MX1: variants seen among roughly 807,000 people sequenced by gnomAD.
MX1 encodes MX dynamin like GTPase 1.
Under a neutral mutation model 66.4 loss-of-function variants are expected in MX1, and 66 were observed. The observed-to-expected ratio is 0.99, with a 90% CI of 0.82 to 1.22. The LOEUF is 1.22. Among genes scored for constraint, MX1 ranks in the 50% most tolerant of loss-of-function variants. The pLI, the probability that MX1 is intolerant of heterozygous loss-of-function variation, is 0.00. For missense variants in MX1, 787 were observed against 834.3 expected (o/e 0.94, Z 0.70); for synonymous variants, 311 against 318.1 (o/e 0.98, Z 0.24).
At chr21:41,445,748 G>A (rs2090643329) in intron 12 of MX1, 178 bp downstream of exon 12, 2 of 903,408 alleles carry the variant, frequency 2.2e-6, no homozygotes, top group Admixed American at 2.8e-5. Flanking sequence ...AGATGTGGGG[G>A]TGGAGTCAGC....
rs139676887 is a variant in MX1, at chr21:41,437,414, G to A, written c.436+262G>A. ...AGCTCTTTGGGAGGCTGACACGGGG[G>A]GATTGCTTGAGCCTAGGAGTTCAAG... is the stretch of plus-strand genomic sequence containing the variant. On this transcript the variant is annotated intron_variant, in intron 7 of 16. Transcript: ENST00000398598. 1.2e-4 allele frequency among the ~76,000 whole-genome samples: 18 copies of A among 152,200 alleles called. 1 individual carries two copies. The East Asian group carries it at 2.1e-3, about 18-fold the overall frequency.
rs373933853 is a variant in MX1 at position 41,439,680 on chromosome 21, T to C, written c.437-14T>C. 881 of 1,612,238 alleles carry C rather than the reference T, an allele frequency of 5.5e-4. 17 individuals carry two copies. The South Asian group carries it at 8.6e-3, about 16-fold the overall frequency. ...AGCTCTGTTTGGGTTTGATTTTCCCTGTCTCTTTTCTAGCCCAGAATGCCA... is the reference window on the plus strand; with the variant it reads ...AGCTCTGTTTGGGTTTGATTTTCCCCGTCTCTTTTCTAGCCCAGAATGCCA... On this transcript the variant is annotated splice_polypyrimidine_tract_variant and intron_variant, in intron 7 of 16. Coordinates refer to ENST00000398598, the MANE Select transcript of MX1 (RefSeq NM_002462.5).
chr21:41,437,306 T>C (rs1253116142), intron 7 of MX1, among the ~76,000 whole-genome samples, 154 bp downstream of exon 7: 1 of 152,134 alleles, frequency 6.6e-6, no homozygotes, highest in Non-Finnish European at 1.5e-5. Flanking sequence ...TTTTACCTCA[T>C]TATGACCAGC....
intron 6 of MX1, among the ~76,000 whole-genome samples, chr21:41,436,770 A>G (rs994237407): frequency 6.6e-6 from 1 of 152,212 alleles, no homozygotes. Flanking sequence ...GCAGGAAGCC[A>G]AAAGTGGTGG....
At position 41,439,747 on chromosome 21, in the gene MX1, CT is replaced by C; in HGVS notation, c.491del (p.Leu164ArgfsTer11). The C allele has an allele frequency of 6.2e-7, 1 of 1,613,942 alleles. No homozygotes were observed. Among genetic ancestry groups the C allele is most frequent in the Non-Finnish European group, 8.5e-7 (1 of 1,179,832 alleles). On this transcript the variant is annotated frameshift_variant, in exon 8 of 17. Coordinates refer to ENST00000398598, the MANE Select transcript of MX1 (RefSeq NM_002462.5). LOFTEE classifies it high-confidence loss of function. ...GMGISHELIT[L>X]EISSRDVPDL... ...GGGAATCAGTCATGAGCTAATCACC[CT>C]GGAGATCAGCTCCCGAGATGTCCCG...
chr21:41,440,297 G>A (rs1272213828), intron 8 of MX1, among the ~76,000 whole-genome samples: 1 of 152,076 alleles, frequency 6.6e-6, no homozygotes, highest in East Asian at 1.9e-4. Flanking sequence ...CCAAGAGTTT[G>A]ACAGAAACCT....
rs753591889 is a variant in MX1, at chr21:41,458,579, A to G, written c.1810A>G (p.Met604Val). 153 of 1,610,770 alleles carry G rather than the reference A, an allele frequency of 9.5e-5. No individual in the cohort carries two copies. Among genetic ancestry groups the G allele is most frequent in the Non-Finnish European group, 1.3e-4 (151 of 1,178,644 alleles). Reference protein sequence around the residue: ...SHIPLIIQFFMLQTYGQQLQK... With the variant: ...SHIPLIIQFFVLQTYGQQLQK... ...CATCCCTTTGATCATCCAGTTCTTC[A>G]TGCTCCAGACGTACGGCCAGCAGCT... Residue 604 changes from methionine (M) to valine (V), a missense_variant, in exon 17 of 17, where the codon ATG becomes GTG. By Grantham distance (21) the Met-to-Val change is conservative. Coordinates refer to ENST00000398598, the MANE Select transcript of MX1 (RefSeq NM_002462.5).
At chr21:41,439,948 TC>T in intron 8 of MX1, 100 bp downstream of exon 8, 1 of 1,300,692 alleles carries the variant, frequency 7.7e-7, no homozygotes, top group Non-Finnish European at 1.1e-6. Flanking sequence ...TAACCGTGAG[TC>T]CAGAGCTGAG....
intron 10 of MX1, chr21:41,442,857 T>TA (rs1202573307): frequency 1.3e-5 from 2 of 152,256 alleles, no homozygotes; most frequent in African/African-American, 4.8e-5. Context: ...AACCCAGTCG[T>TA]AAGAGGACGG....
At chr21:41,453,311 T>G (rs1256083807) in intron 16 of MX1, among the ~76,000 whole-genome samples, 1 of 152,176 alleles carries the variant, frequency 6.6e-6, no homozygotes, top group Non-Finnish European at 1.5e-5. Context: ...AGGTGGGAAT[T>G]ATGGGAGTAC....
chr21:41,444,887 C>G (rs1046831082), intron 11 of MX1, among the ~76,000 whole-genome samples: 1 of 152,146 alleles, frequency 6.6e-6, no homozygotes, highest in Non-Finnish European at 1.5e-5. Context: ...CTACCCCTCA[C>G]TAACTTGTGA....
chr21:41,430,436 G>T (rs993021943), intron 3 of MX1, 97 bp from the exon 4 acceptor site: 3 of 147,420 alleles, frequency 2.0e-5, no homozygotes, highest in African/African-American at 7.4e-5. Context: ...TCCTGCACTT[G>T]CCCGGTTCTC....
chr21:41,455,565 C>T (rs2090938091), intron 16 of MX1, among the ~76,000 whole-genome samples: 1 of 152,212 alleles, frequency 6.6e-6, no homozygotes, highest in South Asian at 2.1e-4. Context: ...CATTTCTGTC[C>T]TCCGAGGCTG....
intron 12 of MX1, 182 bp downstream of exon 12, chr21:41,445,752 A>AGTCAGCAGC (rs779538040): frequency 9.0e-5 from 80 of 884,108 alleles, no homozygotes; most frequent in Non-Finnish European, 1.3e-4. Flanking sequence ...GTGGGGGTGG[A>AGTCAGCAGC]GTCAGCAGCG....
chr21:41,443,526 CTAT>C, intron 10 of MX1: 1 of 496,876 alleles, frequency 2.0e-6, no homozygotes, highest in Non-Finnish European at 3.6e-6. Flanking sequence ...ATGACCAAGT[CTAT>C]AGTCAGACAC....
chr21:41,458,453 G>T, intron 16 of MX1, 75 bp from the exon 17 acceptor site: 1 of 1,162,792 alleles, frequency 8.6e-7, no homozygotes, highest in East Asian at 4.2e-5. Flanking sequence ...ATCCCCTCAT[G>T]TGCACATGGT....
intron 16 of MX1, among the ~76,000 whole-genome samples, chr21:41,454,845 C>T (rs555708627): frequency 6.6e-6 from 1 of 152,146 alleles, no homozygotes; most frequent in East Asian, 1.9e-4. Flanking sequence ...CAGAGGCCTC[C>T]TGGGATCTTG....
intron 14 of MX1, among the ~76,000 whole-genome samples, chr21:41,450,652 C>G (rs2090796706): frequency 6.6e-6 from 1 of 152,036 alleles, no homozygotes. Flanking sequence ...AAATGTATGA[C>G]ATGGAGATCA....
At chr21:41,428,685 T>G (rs2090132922) in intron 3 of MX1, 1 of 152,246 alleles carries the variant, frequency 6.6e-6, no homozygotes, top group Admixed American at 6.5e-5. Flanking sequence ...ACAGCAAGTG[T>G]TCCCTCATCC....
Sources: allele counts gnomAD v4.1 joint callset (sites outside exome capture counted in the v4.1 genomes callset), GRCh38; gene constraint gnomAD v4.1.1; transcripts MANE v1.5; gene names NCBI Gene and HGNC (gene_info 2026-07-23, HGNC 2026-07-21).